Variants in HSPH1 observed in about 807,000 individuals in gnomAD.
HSPH1 encodes the protein heat shock protein 105 kDa.
In HSPH1, 40 loss-of-function variants were observed where a neutral mutation model predicts 100.0. The observed-to-expected ratio is 0.40, with a 90% CI of 0.31 to 0.52. The LOEUF (loss-of-function observed/expected upper bound fraction) is 0.52, where lower values mean the gene tolerates loss of function less well. Among genes scored for constraint, HSPH1 ranks in the 20% least tolerant of loss-of-function variants. The pLI, the probability that HSPH1 is intolerant of heterozygous loss-of-function variation, is 0.54. For missense variants in HSPH1, 876 were observed against 1,015.1 expected, an observed-to-expected ratio of 0.86 and a Z score of 1.86; for synonymous variants, 403 against 344.0, an observed-to-expected ratio of 1.17 and a Z score of -1.90.
intron 2 of HSPH1, among the ~76,000 whole-genome samples, chr13:31,155,911 T>TA (rs1956671702): frequency 6.6e-6 from 1 of 152,182 alleles, no homozygotes; most frequent in African/African-American, 2.4e-5. Flanking sequence ...CGACAGACTT[T>TA]AAAGATTTCA....
At chr13:31,156,479 G>A (rs371326563) in intron 2 of HSPH1, among the ~76,000 whole-genome samples, 12 of 151,946 alleles carry the variant, frequency 7.9e-5, no homozygotes, top group Non-Finnish European at 1.5e-4. Context: ...CAGGAGAATC[G>A]CTGGAACCTG....
chr13:31,152,776 A>AT, intron 5 of HSPH1, 76 bp downstream of exon 5: 1 of 1,011,550 alleles, frequency 9.9e-7, no homozygotes. Context: ...TTCTGTATCT[A>AT]TAAGAAAGTA....
chr13:31,159,423 A>G (rs1956816441), intron 1 of HSPH1, among the ~76,000 whole-genome samples: 1 of 152,180 alleles, frequency 6.6e-6, no homozygotes, highest in African/African-American at 2.4e-5. Flanking sequence ...ATGATGCACA[A>G]CAAGTACCAT....
Position 31,139,066 on chromosome 13 carries a change from G to A in HSPH1, c.2022C>T (p.Asp674=). ...GGTCCTCTCCTTCTTCATACAGCCA[G>A]TCTTCAGTTTCTGTGAGGAGTCTCA... The part of the protein sequence containing the change: ...NFLRLLTETE[D]WLYEEGEDQA... The change falls in exon 15 of 18, where the codon GAC becomes GAT. Residue 674 remains aspartate, a synonymous_variant. Coordinates refer to ENST00000320027, the MANE Select transcript of HSPH1 (RefSeq NM_006644.4). The A allele has an allele frequency of 1.2e-6, 2 of 1,612,988 alleles. No individual in the cohort carries two copies. Among genetic ancestry groups the A allele is most frequent in the Non-Finnish European group, 1.7e-6 (2 of 1,179,148 alleles).
intron 4 of HSPH1, among the ~76,000 whole-genome samples, chr13:31,153,736 A>G (rs1287046646): frequency 1.3e-5 from 2 of 152,046 alleles, no homozygotes; most frequent in Non-Finnish European, 2.9e-5. Context: ...TGCTTGAGAG[A>G]GAGACATGAG....
At position 31,137,452 on chromosome 13, in the gene HSPH1, T is replaced by C; in HGVS notation, c.2443A>G (p.Thr815Ala). 6.2e-7 allele frequency: 1 copy of C among 1,613,700 alleles called. No homozygotes were observed. Among genetic ancestry groups the C allele is most frequent in the African/African-American group, 1.3e-5 (1 of 75,000 alleles). Residue 815 changes from threonine (T) to alanine (A), a missense_variant, in exon 18 of 18, where the codon ACT becomes GCT. Coordinates refer to ENST00000320027, the MANE Select transcript of HSPH1 (RefSeq NM_006644.4). ...TTATCAATATTTGGGCCATTTGGAG[T>C]TCTTTCCAGTTTGGGTGATTCAATT... ...PKIESPKLER[T>A]PNGPNIDKKE...
At chr13:31,151,518 C>T in intron 6 of HSPH1, 91 bp downstream of exon 6, 1 of 1,216,782 alleles carries the variant, frequency 8.2e-7, no homozygotes, top group Non-Finnish European at 1.1e-6. Context: ...TCTTCATTAC[C>T]AAGAAGAAAA....
intron 10 of HSPH1, among the ~76,000 whole-genome samples, chr13:31,147,655 CAG>C (rs1367683064): frequency 1.3e-5 from 2 of 152,016 alleles, no homozygotes; most frequent in Admixed American, 6.6e-5. Flanking sequence ...CCTTTATATA[CAG>C]ACTGTATCAG....
At chr13:31,144,884 G>T (rs900001996) in intron 11 of HSPH1, among the ~76,000 whole-genome samples, 4 of 152,030 alleles carry the variant, frequency 2.6e-5, no homozygotes, top group African/African-American at 7.2e-5. Flanking sequence ...TTCTAGAAAG[G>T]TAACAGTGAT....
In HSPH1 at chr13:31,136,319, A is replaced by G. The variant is rs1955881879; in HGVS notation, c.*999T>C. 6.6e-6 allele frequency: 1 copy of G among 152,196 alleles called. No homozygotes were observed. The highest frequency in any genetic ancestry group is 2.4e-5 in the African/African-American group (1 of 41,444). The allele number at this position is 152,196 out of a possible 1,614,324, so 9.4% of individuals were successfully genotyped here. Reference sequence around the variant, plus strand: ...TTTTAAAAACAGCCTACAGCACTATAACATAGACACTCACACAAATATACC... The same window carrying G: ...TTTTAAAAACAGCCTACAGCACTATGACATAGACACTCACACAAATATACC... On this transcript the variant is annotated 3_prime_UTR_variant, in exon 18 of 18. Coordinates refer to ENST00000320027, the MANE Select transcript of HSPH1 (RefSeq NM_006644.4).
intron 17 of HSPH1, 103 bp from the exon 18 acceptor site, chr13:31,137,627 AT>A: frequency 1.3e-6 from 1 of 760,870 alleles, no homozygotes; most frequent in Non-Finnish European, 2.1e-6. Flanking sequence ...ACCAACTCCA[AT>A]TACACATAAA....
At chr13:31,152,021 A>C (rs1373338255) in intron 5 of HSPH1, 1 of 279,964 alleles carries the variant, frequency 3.6e-6, no homozygotes, top group East Asian at 7.1e-5. Context: ...CACGTATCAC[A>C]GACAGTATCA....
At chr13:31,138,222 G>A (rs1261366579) in intron 17 of HSPH1, among the ~76,000 whole-genome samples, 185 bp downstream of exon 17, 2 of 151,918 alleles carry the variant, frequency 1.3e-5, no homozygotes, top group African/African-American at 4.8e-5. Context: ...AAATGGAGAA[G>A]TGGAAATTCA....
At chr13:31,155,138 G>A (rs1175079284) in intron 3 of HSPH1, among the ~76,000 whole-genome samples, 1 of 152,054 alleles carries the variant, frequency 6.6e-6, no homozygotes, top group Non-Finnish European at 1.5e-5. Context: ...GAATACCTCT[G>A]CAAGTTTAAA....
intron 12 of HSPH1, among the ~76,000 whole-genome samples, chr13:31,141,811 C>CACAA (rs1000647933): frequency 5.3e-5 from 8 of 151,656 alleles, no homozygotes; most frequent in Admixed American, 5.3e-4. Context: ...TACACACACA[C>CACAA]ACACACACAC....
intron 17 of HSPH1, 72 bp from the exon 18 acceptor site, chr13:31,137,596 T>C (rs1955928387): frequency 4.8e-6 from 5 of 1,047,646 alleles, no homozygotes; most frequent in Non-Finnish European, 7.0e-6. Flanking sequence ...CTTCTCCACA[T>C]ACTCAACCCA....
At chr13:31,145,499 A>G in intron 11 of HSPH1, 64 bp downstream of exon 11, 2 of 1,274,558 alleles carry the variant, frequency 1.6e-6, no homozygotes, top group South Asian at 1.3e-5. Flanking sequence ...TCCCTACCCA[A>G]TTCTCCTATA....
intron 10 of HSPH1, among the ~76,000 whole-genome samples, chr13:31,147,125 A>C (rs1956290955): frequency 6.6e-6 from 1 of 152,154 alleles, no homozygotes; most frequent in African/African-American, 2.4e-5. Context: ...GAAAAATTAG[A>C]TGCCATGCCA....
rs144515798 is a variant in HSPH1 at position 31,155,536 on chromosome 13, T to C, written c.284A>G (p.Lys95Arg). 6.2e-7 allele frequency: 1 copy of C among 1,610,948 alleles called. No homozygotes were observed. Among genetic ancestry groups the C allele is most frequent in the African/African-American group, 1.3e-5 (1 of 74,848 alleles). ...ENLSYDLVPL[K>R]NGGVGIKVMY... Reference sequence around the variant, plus strand: ...TACCTTTATTCCAACTCCACCATTTTTCAATGGAACCAAATCGTAACTCAA... The same window carrying C: ...TACCTTTATTCCAACTCCACCATTTCTCAATGGAACCAAATCGTAACTCAA... Residue 95 changes from lysine to arginine, a missense_variant, in exon 3 of 18, where the codon AAA (lysine) becomes AGA (arginine). By Grantham distance (26) the Lys-to-Arg change is conservative (BLOSUM62 2). Coordinates refer to ENST00000320027, the MANE Select transcript of HSPH1 (RefSeq NM_006644.4).
Sources: allele counts gnomAD v4.1 joint callset (sites outside exome capture counted in the v4.1 genomes callset), GRCh38; gene constraint gnomAD v4.1.1; transcripts MANE v1.5; gene names NCBI Gene and HGNC (gene_info 2026-07-23, HGNC 2026-07-21).